DDC: variants seen among roughly 807,000 people sequenced by gnomAD.
The protein encoded by DDC is aromatic-L-amino-acid decarboxylase.
Under a neutral mutation model 60.0 loss-of-function variants are expected in DDC, and 43 were observed. The observed-to-expected ratio is 0.72, with a 90% CI of 0.56 to 0.92. DDC has a LOEUF of 0.92. Ranked by LOEUF, DDC falls within the 40% of genes least tolerant of loss-of-function variation. The probability of loss-of-function intolerance (pLI) is 0.00; values close to 1 mark genes in which losing one functional copy is unlikely to be tolerated. For synonymous variants in DDC, 232 were observed against 234.6 expected (o/e 0.99, Z 0.10); for missense variants, 573 against 620.2 (o/e 0.92, Z 0.81).
chr7:50,476,864 T>C (rs1226473143), intron 10 of DDC, among the ~76,000 whole-genome samples: 2 of 152,270 alleles, frequency 1.3e-5, no homozygotes, highest in East Asian at 3.9e-4. Flanking sequence ...ATTGGAAATG[T>C]TACACTCTCA....
chr7:50,531,503 T>C (rs1336974449), intron 4 of DDC, among the ~76,000 whole-genome samples: 2 of 151,958 alleles, frequency 1.3e-5, no homozygotes, highest in East Asian at 3.9e-4. Context: ...AGGTGTTCAT[T>C]CTCTGAACAT....
chr7:50,476,911 A>T (rs559665091), intron 10 of DDC, among the ~76,000 whole-genome samples: 3 of 152,332 alleles, frequency 2.0e-5, no homozygotes, highest in African/African-American at 7.2e-5. Context: ...GCAGTTACAT[A>T]GCATGAACAT....
chr7:50,507,352 C>T (rs1184671915), intron 6 of DDC, among the ~76,000 whole-genome samples: 1 of 152,144 alleles, frequency 6.6e-6, no homozygotes, highest in African/African-American at 2.4e-5. Flanking sequence ...ATTCTCCTGC[C>T]TCAGTCTCCC....
intron 8 of DDC, among the ~76,000 whole-genome samples, chr7:50,497,085 C>G (rs568883764): frequency 2.0e-5 from 3 of 152,318 alleles, no homozygotes; most frequent in African/African-American, 7.2e-5. Flanking sequence ...TTAAACTTCT[C>G]TCATTACCCA....
intron 9 of DDC, 161 bp from the exon 10 acceptor site, chr7:50,480,024 G>T: frequency 1.5e-6 from 1 of 654,670 alleles, no homozygotes; most frequent in Non-Finnish European, 2.7e-6. Context: ...TACCTGGGGA[G>T]GGCGTCTTAG....
intron 5 of DDC, 41 bp downstream of exon 5, chr7:50,529,167 G>A (rs759611448): frequency 3.1e-5 from 50 of 1,611,700 alleles, no homozygotes; most frequent in Admixed American, 1.3e-4. Flanking sequence ...CCAAACATTC[G>A]GGTCTTGAAG....
chr7:50,499,800 G>C (rs1585189471), intron 7 of DDC, among the ~76,000 whole-genome samples: 1 of 152,226 alleles, frequency 6.6e-6, no homozygotes. Context: ...TAGCAGCCTT[G>C]TGGGCAGGGG....
chr7:50,532,832 C>T (rs1475731675), intron 4 of DDC, among the ~76,000 whole-genome samples: 1 of 152,116 alleles, frequency 6.6e-6, no homozygotes, highest in Non-Finnish European at 1.5e-5. Flanking sequence ...ATGCAATGAC[C>T]TAGAAATGCT....
intron 1 of DDC, among the ~76,000 whole-genome samples, chr7:50,546,155 A>G (rs1251525483): frequency 6.6e-6 from 1 of 152,212 alleles, no homozygotes; most frequent in Non-Finnish European, 1.5e-5. Flanking sequence ...TGACCTTACT[A>G]TCAGCTTCCA....
chr7:50,475,555 G>C (rs1362059826), intron 11 of DDC, among the ~76,000 whole-genome samples: 1 of 152,154 alleles, frequency 6.6e-6, no homozygotes, highest in African/African-American at 2.4e-5. Flanking sequence ...TGCCTTTGAG[G>C]GGAAGCCCCT....
intron 4 of DDC, 51 bp downstream of exon 4, chr7:50,537,809 C>A: frequency 6.2e-7 from 1 of 1,612,704 alleles, no homozygotes. Context: ...GGCTACAGTC[C>A]TGTGCAGAGC....
chr7:50,475,907 C>G (rs1385104544), intron 11 of DDC, among the ~76,000 whole-genome samples: 1 of 152,062 alleles, frequency 6.6e-6, no homozygotes, highest in Non-Finnish European at 1.5e-5. Flanking sequence ...CCAGGCTGGT[C>G]TCGAAGACCT....
chr7:50,478,010 T>C (rs2042685023), intron 10 of DDC, among the ~76,000 whole-genome samples: 1 of 151,422 alleles, frequency 6.6e-6, no homozygotes. Context: ...AAGACTAGCT[T>C]TGGCAACATG....
rs773845696 is a variant in DDC at position 50,495,379 on chromosome 7, T to A, written c.915A>T (p.Leu305=). 1 of 1,613,246 alleles carries A rather than the reference T, an allele frequency of 6.2e-7. No individual in the cohort carries two copies. Among genetic ancestry groups the A allele is most frequent in the Admixed American group, 1.7e-5 (1 of 60,014 alleles). Residue 305 remains leucine, a synonymous_variant, in exon 9 of 15, where the codon CTA becomes CTT. Transcript: ENST00000444124. The part of the protein sequence containing the change: ...DSFNFNPHKW[L]LVNFDCSAMW... The stretch of plus-strand genomic sequence containing the variant: ...TGGCAGAACAGTCAAAATTCACCAA[T>A]AGCCATTTGTGGGGATTAAAGTTGA...
intron 9 of DDC, among the ~76,000 whole-genome samples, chr7:50,490,936 A>G (rs2042986290): frequency 6.6e-6 from 1 of 152,210 alleles, no homozygotes; most frequent in South Asian, 2.1e-4. Flanking sequence ...GGAAAGAGAA[A>G]AATTATGTTT....
chr7:50,518,954 C>T (rs777096620), intron 6 of DDC, among the ~76,000 whole-genome samples: 11 of 152,196 alleles, frequency 7.2e-5, no homozygotes, highest in Non-Finnish European at 1.6e-4. Flanking sequence ...AAACAGACAA[C>T]CCACAGAGTG....
chr7:50,536,361 C>CGGTGG (rs2044412139), intron 4 of DDC, among the ~76,000 whole-genome samples: 1 of 152,204 alleles, frequency 6.6e-6, no homozygotes, highest in Non-Finnish European at 1.5e-5. Flanking sequence ...GCCCAACCAC[C>CGGTGG]TTGGGCACAT....
intron 9 of DDC, among the ~76,000 whole-genome samples, chr7:50,492,203 C>T (rs2043011256): frequency 6.6e-6 from 1 of 152,238 alleles, no homozygotes. Context: ...GTTTAAGCCG[C>T]TTGTCCATGG....
At chr7:50,480,055 T>C in intron 9 of DDC, 192 bp from the exon 10 acceptor site, 1 of 606,192 alleles carries the variant, frequency 1.6e-6, no homozygotes, top group Non-Finnish European at 2.9e-6. Flanking sequence ...AAATATTTGG[T>C]CTTTGTTACC....
Sources: gnomAD v4.1 joint callset for allele counts (sites outside exome capture counted in the v4.1 genomes callset) on GRCh38, gnomAD v4.1.1 for gene constraint, MANE v1.5 for transcripts, NCBI Gene and HGNC (gene_info 2026-07-23, HGNC 2026-07-21) for gene names.